Variants in ASAP2 observed in about 807,000 individuals in gnomAD.
ASAP2 encodes the protein ArfGAP with SH3 domain, ankyrin repeat and PH domain 2.
ASAP2 carries 45 observed loss-of-function variants against 131.4 expected under a neutral mutation model. That is an observed-to-expected ratio of 0.34 (90% confidence interval 0.27 to 0.44). ASAP2 has a LOEUF of 0.44. Among genes scored for constraint, ASAP2 ranks in the 20% least tolerant of loss-of-function variants. The probability of loss-of-function intolerance (pLI) is 1.00; values close to 1 mark genes in which losing one functional copy is unlikely to be tolerated. For synonymous variants in ASAP2, 510 were observed against 503.0 expected (o/e 1.01, Z -0.19); for missense variants, 1,011 against 1,297.0 (o/e 0.78, Z 3.39).
chr2:9,288,960 G>A (rs2148353939), intron 2 of ASAP2, among the ~76,000 whole-genome samples: 1 of 152,284 alleles, frequency 6.6e-6, no homozygotes. Context: ...TCCTCTAAAT[G>A]TCATCTGCTC....
intron 16 of ASAP2, among the ~76,000 whole-genome samples, chr2:9,370,852 G>A (rs1034656754): frequency 6.6e-6 from 1 of 152,162 alleles, no homozygotes; most frequent in East Asian, 1.9e-4. Context: ...TGAGGGTCCC[G>A]CTTGGTGAAG....
intron 2 of ASAP2, among the ~76,000 whole-genome samples, chr2:9,291,916 T>C (rs1667837671): frequency 6.6e-6 from 1 of 152,024 alleles, no homozygotes; most frequent in Admixed American, 6.5e-5. Context: ...AGCTCTTAGC[T>C]CTTATCTAGG....
At chr2:9,273,646 G>C (rs1336750174) in intron 1 of ASAP2, among the ~76,000 whole-genome samples, 1 of 152,206 alleles carries the variant, frequency 6.6e-6, no homozygotes, top group East Asian at 1.9e-4. Context: ...AGTGCTGATT[G>C]GTTGGGTCGG....
chr2:9,242,253 C>A (rs930853559), intron 1 of ASAP2, among the ~76,000 whole-genome samples: 8 of 152,154 alleles, frequency 5.3e-5, no homozygotes, highest in Non-Finnish European at 1.0e-4. Context: ...CTGACCTGGT[C>A]CATGGGAAGT....
intron 1 of ASAP2, among the ~76,000 whole-genome samples, chr2:9,218,190 G>T (rs2147966540): frequency 6.6e-6 from 1 of 152,150 alleles, no homozygotes; most frequent in South Asian, 2.1e-4. Flanking sequence ...CTGTTGCCTG[G>T]GAAGATTTCT....
chr2:9,243,581 G>A (rs1268851807), intron 1 of ASAP2, among the ~76,000 whole-genome samples: 1 of 152,140 alleles, frequency 6.6e-6, no homozygotes, highest in Non-Finnish European at 1.5e-5. Flanking sequence ...TACTTCCTAG[G>A]TCTAGTTTGG....
chr2:9,233,744 A>C (rs1273590462), intron 1 of ASAP2, among the ~76,000 whole-genome samples: 2 of 152,222 alleles, frequency 1.3e-5, no homozygotes, highest in African/African-American at 4.8e-5. Flanking sequence ...GTAAGTGCTT[A>C]ACACATGTTA....
Position 9,403,950 on chromosome 2 carries a change from T to TA in ASAP2, c.*625dup, listed in dbSNP as rs1676968292. 6.6e-6 allele frequency: 1 copy of TA among 152,326 alleles called. No individual in the cohort carries two copies. The highest frequency in any genetic ancestry group is 6.5e-5 in the Admixed American group (1 of 15,280). 9.4% of individuals were successfully genotyped at this position (152,326 alleles called of 1,614,324 possible). A position where few individuals can be genotyped will look rare whatever the true frequency, so the allele number is the denominator to read the frequency against. On this transcript the variant is annotated 3_prime_UTR_variant, in exon 28 of 28. Coordinates refer to ENST00000281419, the MANE Select transcript of ASAP2 (RefSeq NM_003887.3). ...ATAACCTGTTGTGAACAATCATACT[T>TA]AACAAAACTACTGATGGTTTATGAC...
chr2:9,266,788 G>T (rs888057524), intron 1 of ASAP2, among the ~76,000 whole-genome samples: 1 of 152,218 alleles, frequency 6.6e-6, no homozygotes, highest in African/African-American at 2.4e-5. Context: ...AGTTTAGTAA[G>T]ATTGCCCAAA....
chr2:9,401,163 C>A, intron 26 of ASAP2, 111 bp from the exon 27 acceptor site: 1 of 1,403,014 alleles, frequency 7.1e-7, no homozygotes, highest in Non-Finnish European at 9.8e-7. Flanking sequence ...GCAGGCTTCT[C>A]AGGCCTAGGT....
At chr2:9,377,052 A>C (rs1674457118) in intron 18 of ASAP2, 59 bp downstream of exon 18, 2 of 1,438,142 alleles carry the variant, frequency 1.4e-6, no homozygotes, top group Admixed American at 1.7e-5. Context: ...CTGGGGAAGG[A>C]ATCGGACGCT....
At chr2:9,222,034 C>T (rs185944250) in intron 1 of ASAP2, among the ~76,000 whole-genome samples, 173 of 151,824 alleles carry the variant, frequency 1.1e-3, no homozygotes, top group Admixed American at 2.5e-3. Context: ...GTGATCTGCC[C>T]GCCTCGGCCT....
chr2:9,402,365 C>T (rs1676798069), intron 27 of ASAP2, among the ~76,000 whole-genome samples: 2 of 152,202 alleles, frequency 1.3e-5, no homozygotes, highest in African/African-American at 4.8e-5. Flanking sequence ...CGCGGTGGCT[C>T]ACGCCCATAA....
At chr2:9,228,821 T>A (rs1662956179) in intron 1 of ASAP2, among the ~76,000 whole-genome samples, 1 of 152,240 alleles carries the variant, frequency 6.6e-6, no homozygotes, top group African/African-American at 2.4e-5. Context: ...AACGGCACTC[T>A]TCCTAAATAA....
chr2:9,269,308 T>G (rs1666175119), intron 1 of ASAP2, among the ~76,000 whole-genome samples: 1 of 152,164 alleles, frequency 6.6e-6, no homozygotes, highest in African/African-American at 2.4e-5. Context: ...TCAGTTGGTC[T>G]TTCCTGTGAC....
chr2:9,399,192 A>G (rs1341834588), intron 24 of ASAP2: 1 of 152,272 alleles, frequency 6.6e-6, no homozygotes, highest in Non-Finnish European at 1.5e-5. Flanking sequence ...GTGTCGACAG[A>G]CGGGAGCGTA....
At chr2:9,298,302 G>A (rs1035055724) in intron 3 of ASAP2, among the ~76,000 whole-genome samples, 1 of 152,200 alleles carries the variant, frequency 6.6e-6, no homozygotes, top group Admixed American at 6.5e-5. Flanking sequence ...TCCTGAGATG[G>A]TGATGACAGT....
chr2:9,275,197 C>T (rs1666681534), intron 1 of ASAP2, among the ~76,000 whole-genome samples: 1 of 151,812 alleles, frequency 6.6e-6, no homozygotes, highest in African/African-American at 2.4e-5. Flanking sequence ...CCTCCCTCCT[C>T]AGCCTGGGAT....
intron 3 of ASAP2, among the ~76,000 whole-genome samples, chr2:9,303,042 T>C (rs28601889): frequency 0.28 from 42,182 of 152,142 alleles, 6,412 homozygotes; most frequent in Non-Finnish European, 0.36. Context: ...ATAGACATCT[T>C]GCTACCAGAG....
Sources: gnomAD v4.1 joint callset for allele counts (sites outside exome capture counted in the v4.1 genomes callset) on GRCh38, gnomAD v4.1.1 for gene constraint, MANE v1.5 for transcripts, NCBI Gene and HGNC (gene_info 2026-07-23, HGNC 2026-07-21) for gene names.